Variants in TULP4 observed in about 807,000 individuals in gnomAD.
TULP4 encodes tubby-related protein 4.
TULP4 carries 16 observed loss-of-function variants against 129.0 expected under a neutral mutation model. That is an observed-to-expected ratio of 0.12 (90% CI 0.08 to 0.19). The LOEUF (loss-of-function observed/expected upper bound fraction) is 0.19. Among genes scored for constraint, TULP4 ranks in the 10% least tolerant of loss-of-function variants. The probability of loss-of-function intolerance (pLI) is 1.00; values close to 1 mark genes in which losing one functional copy is unlikely to be tolerated. For missense variants in TULP4, 1,842 were observed against 2,059.1 expected (o/e 0.89, Z 2.04); for synonymous variants, 998 against 854.0 (o/e 1.17, Z -2.94).
At chr6:158,495,363 T>G (rs1562591082) in intron 11 of TULP4, among the ~76,000 whole-genome samples, 1 of 152,140 alleles carries the variant, frequency 6.6e-6, no homozygotes, top group Non-Finnish European at 1.5e-5. Flanking sequence ...GCCAGCGGGA[T>G]TTTCATTTTT....
At chr6:158,287,117 C>T (rs1778847503) in intron 1 of TULP4, among the ~76,000 whole-genome samples, 1 of 152,130 alleles carries the variant, frequency 6.6e-6, no homozygotes, top group Non-Finnish European at 1.5e-5. Flanking sequence ...AATCTTAGAA[C>T]ACAATGGGAT....
intron 3 of TULP4, among the ~76,000 whole-genome samples, chr6:158,438,839 C>A (rs1281154417): frequency 2.0e-5 from 3 of 152,108 alleles, no homozygotes; most frequent in African/African-American, 7.2e-5. Flanking sequence ...CCCACCTAGG[C>A]CTCCCAAAAC....
chr6:158,422,747 A>C (rs922289319), intron 2 of TULP4, among the ~76,000 whole-genome samples: 1 of 152,222 alleles, frequency 6.6e-6, no homozygotes, highest in African/African-American at 2.4e-5. Context: ...CATAGGGCTC[A>C]GGGGATTGGT....
At chr6:158,235,586 A>T (rs534837481) in intron 1 of TULP4, among the ~76,000 whole-genome samples, 1 of 152,322 alleles carries the variant, frequency 6.6e-6, no homozygotes, top group African/African-American at 2.4e-5. Context: ...GGGCTCAAGC[A>T]GTCCTCCCAG....
chr6:158,447,587 G>A (rs556943829), intron 3 of TULP4, among the ~76,000 whole-genome samples: 4 of 152,268 alleles, frequency 2.6e-5, no homozygotes, highest in Admixed American at 6.5e-5. Flanking sequence ...TAGTGCATTC[G>A]TTTAGCAATA....
chr6:158,377,151 G>C (rs138785021), intron 1 of TULP4, among the ~76,000 whole-genome samples: 93 of 152,298 alleles, frequency 6.1e-4, no homozygotes, highest in African/African-American at 2.2e-3. Flanking sequence ...TGAGATTTCT[G>C]TACAGAGAGC....
At chr6:158,479,082 C>T (rs917806647) in intron 6 of TULP4, among the ~76,000 whole-genome samples, 13 of 152,116 alleles carry the variant, frequency 8.5e-5, no homozygotes, top group African/African-American at 2.4e-4. Context: ...GGGGAGGCTT[C>T]TAGGGGTTAT....
intron 2 of TULP4, among the ~76,000 whole-genome samples, chr6:158,423,135 GAA>G (rs202010118): frequency 2.4e-5 from 3 of 124,348 alleles, no homozygotes; most frequent in Non-Finnish European, 5.3e-5. Flanking sequence ...GGGGGGGGGG[GAA>G]AGAAACCTTC....
intron 1 of TULP4, among the ~76,000 whole-genome samples, chr6:158,352,742 T>TTTAAATTTTTAAA (rs1780554175): frequency 6.6e-6 from 1 of 152,252 alleles, no homozygotes; most frequent in South Asian, 2.1e-4. Context: ...TTTTTTAATG[T>TTTAAATTTTTAAA]TGGATTTGGC....
intron 6 of TULP4, among the ~76,000 whole-genome samples, chr6:158,475,779 G>A (rs560502195): frequency 4.6e-5 from 7 of 152,340 alleles, no homozygotes; most frequent in South Asian, 2.1e-4. Flanking sequence ...GCCCCGCCCC[G>A]TGTCTGTGGC....
Position 158,493,515 on chromosome 6 carries a change from G to A in TULP4, c.1632-58G>A. ...AAAAAGAAAGGACTGCTGGAGTCAG[G>A]GCCATGCTCACCATTCCCGCCACGG... is the stretch of plus-strand genomic sequence containing the variant. On this transcript the variant is annotated intron_variant, in intron 9 of 13. Coordinates refer to ENST00000367097, the MANE Select transcript of TULP4 (RefSeq NM_020245.5). The surrounding 1 kb of genome is among the most constrained non-coding windows in gnomAD (Gnocchi z 4.4). 7.0e-7 allele frequency: 1 copy of A among 1,420,348 alleles called. No individual in the cohort carries two copies. Among genetic ancestry groups the A allele is most frequent in the Non-Finnish European group, 9.2e-7 (1 of 1,083,680 alleles). 88.0% of individuals were successfully genotyped at this position (1,420,348 alleles called of 1,614,324 possible). A position where few individuals can be genotyped will look rare whatever the true frequency, so the allele number is the denominator to read the frequency against.
chr6:158,352,693 C>T (rs1780553281), intron 1 of TULP4, among the ~76,000 whole-genome samples: 2 of 152,192 alleles, frequency 1.3e-5, no homozygotes, highest in South Asian at 2.1e-4. Flanking sequence ...CCGTGCCTGG[C>T]CCCGATACTG....
At chr6:158,481,690 G>A (rs1461174219) in intron 8 of TULP4, among the ~76,000 whole-genome samples, 2 of 152,054 alleles carry the variant, frequency 1.3e-5, no homozygotes. Flanking sequence ...TGATAAAATT[G>A]AAATCAAACC....
intron 1 of TULP4, among the ~76,000 whole-genome samples, chr6:158,412,772 C>G (rs1460382978): frequency 6.6e-6 from 1 of 152,046 alleles, no homozygotes; most frequent in Non-Finnish European, 1.5e-5. Context: ...GATGAAGGAC[C>G]ATCTGAGAGG....
chr6:158,461,678 G>A lies in TULP4; in HGVS notation c.975G>A (p.Lys325=), dbSNP rs758386711. 3.1e-6 allele frequency: 5 copies of A among 1,614,180 alleles called. No individual in the cohort carries two copies. Among genetic ancestry groups the A allele is most frequent in the Non-Finnish European group, 4.2e-6 (5 of 1,180,040 alleles). The change falls in exon 6 of 14, where the codon AAG becomes AAA. Residue 325 remains lysine (K), a synonymous_variant. Transcript: ENST00000367097. ...CCCTTCTGAAGAGTGCCATGGTCAA[G>A]TTCTACAATGTTCGTGGGGAGCACA... is the stretch of plus-strand genomic sequence containing the variant. ...NGPLLKSAMV[K]FYNVRGEHIF...
intron 1 of TULP4, chr6:158,242,944 C>T (rs1777950928): frequency 5.8e-6 from 1 of 171,676 alleles, no homozygotes; most frequent in Non-Finnish European, 1.2e-5. Flanking sequence ...CACCACAACA[C>T]CCGGCTAATT....
chr6:158,504,513 AT>A (rs769598967), intron 13 of TULP4, among the ~76,000 whole-genome samples: 1,595 of 138,784 alleles, frequency 0.011, 14 homozygotes, highest in African/African-American at 0.03. Context: ...TGCCCGGCTA[AT>A]TTTTTTTTTT....
chr6:158,342,871 GTGTT>G (rs1420308210), intron 1 of TULP4, among the ~76,000 whole-genome samples: 2 of 152,156 alleles, frequency 1.3e-5, no homozygotes, highest in Admixed American at 1.3e-4. Context: ...ATCTGGTACA[GTGTT>G]TGACCCTAAG....
chr6:158,431,507 C>T (rs552263538), intron 3 of TULP4, among the ~76,000 whole-genome samples: 5 of 152,294 alleles, frequency 3.3e-5, no homozygotes, highest in Non-Finnish European at 4.4e-5. Flanking sequence ...ACTGGGGATA[C>T]AGCAGTGAGA....
Sources: gnomAD v4.1 joint callset for allele counts (sites outside exome capture counted in the v4.1 genomes callset) on GRCh38, gnomAD v4.1.1 for gene constraint, Gnocchi (gnomAD v3.1) non-coding constraint, MANE v1.5 for transcripts, NCBI Gene and HGNC (gene_info 2026-07-23, HGNC 2026-07-21) for gene names.